AARSD1: variants seen among roughly 807,000 people sequenced by gnomAD.
AARSD1 encodes alanyl-tRNA editing protein Aarsd1.
In AARSD1, 44 loss-of-function variants were observed where a neutral mutation model predicts 48.7. That is an observed-to-expected ratio of 0.90 (90% CI 0.71 to 1.16). The LOEUF (loss-of-function observed/expected upper bound fraction) is 1.16, where lower values mean the gene tolerates loss of function less well. Among genes scored for constraint, AARSD1 ranks in the 50% most tolerant of loss-of-function variants. The pLI is 0.00. For missense variants in AARSD1, 511 were observed against 523.1 expected (o/e 0.98, Z 0.23); for synonymous variants, 189 against 194.9 (o/e 0.97, Z 0.25).
chr17:42,956,857 C>T (rs35847464), intron 4 of AARSD1, among the ~76,000 whole-genome samples: 13,639 of 146,684 alleles, frequency 0.093, 771 homozygotes, highest in African/African-American at 0.14. Context: ...TTAGTAGAGA[C>T]GGGGTTTCAC....
rs772855206 is a variant in AARSD1 at position 42,955,191 on chromosome 17, T to C, written c.828A>G (p.Lys276=). Residue 276 remains lysine, a synonymous_variant, in exon 8 of 12, where the codon AAA becomes AAG. Coordinates refer to ENST00000427569, the MANE Select transcript of AARSD1 (RefSeq NM_001261434.2). ...CGAEDHVEAV[K]KLQNSTKILQ... ...GGATCTTGGTGGAGTTCTGGAGCTTTTTCACTGCTTCCACATGATCCTCTG... is the reference window on the plus strand; with the variant it reads ...GGATCTTGGTGGAGTTCTGGAGCTTCTTCACTGCTTCCACATGATCCTCTG... 2.5e-6 allele frequency: 4 copies of C among 1,614,006 alleles called. No homozygotes were observed.
At chr17:42,959,102 C>A (rs1430144460) in intron 3 of AARSD1, among the ~76,000 whole-genome samples, 1 of 133,918 alleles carries the variant, frequency 7.5e-6, no homozygotes, top group African/African-American at 2.8e-5. Flanking sequence ...GAGGCTGAGG[C>A]AGGAGAATCA....
At chr17:42,955,001 G>C (rs775715869) in intron 8 of AARSD1, 34 bp from the exon 9 acceptor site, 1 of 1,613,690 alleles carries the variant, frequency 6.2e-7, no homozygotes, top group African/African-American at 1.3e-5. Flanking sequence ...TAGATAAATG[G>C]AAAGGATAAC....
Position 42,964,249 on chromosome 17 carries a change from G to A in AARSD1, c.40-12C>T. 1.2e-6 allele frequency: 2 copies of A among 1,600,706 alleles called. No homozygotes were observed. The highest frequency in any genetic ancestry group is 8.5e-7 in the Non-Finnish European group (1 of 1,176,988). On this transcript the variant is annotated splice_polypyrimidine_tract_variant and intron_variant, in intron 1 of 11. Transcript: ENST00000427569. ...ACGGTGGTGGTGAACTGAACAGAGA[G>A]GAATGAGAGAATAAGCCCCGACCCC...
At position 42,956,256 on chromosome 17, in the gene AARSD1, A is replaced by G. The variant is rs750402783; in HGVS notation, c.611T>C (p.Val204Ala). ...GPIRVVNIEG[V>A]DSNMCCGTHV... Reference sequence around the variant, plus strand: ...GGTCCCACAGCACATGTTGGAATCAACGCCCTCGATGTTAACAACCCGAAT... The same window carrying G: ...GGTCCCACAGCACATGTTGGAATCAGCGCCCTCGATGTTAACAACCCGAAT... Residue 204 changes from valine (V) to alanine (A), a missense_variant, in exon 6 of 12, where the codon GTT becomes GCT. By Grantham distance (64) the Val-to-Ala change is moderately conservative (BLOSUM62 0). Transcript: ENST00000427569. The G allele has an allele frequency of 1.7e-5, 27 of 1,613,978 alleles. No homozygotes were observed. Among genetic ancestry groups the G allele is most frequent in the Non-Finnish European group, 2.0e-5 (24 of 1,180,034 alleles).
chr17:42,955,433 GA>G (rs2049534791), intron 7 of AARSD1: 1 of 404,272 alleles, frequency 2.5e-6, no homozygotes, highest in African/African-American at 2.1e-5. Context: ...CAAAGCACTT[GA>G]TCTTTTTTTT....
At position 42,951,979 on chromosome 17, in the gene AARSD1, G is replaced by A; in HGVS notation, c.1009-85C>T. On this transcript the variant is annotated intron_variant, in intron 10 of 11. Coordinates refer to ENST00000427569, the MANE Select transcript of AARSD1 (RefSeq NM_001261434.2). ...AATCCTGCACTCTCTTCAATCTTAA[G>A]AATAGATTATTTCCCCCTAAACCAC... 10 of 1,428,116 alleles carry A rather than the reference G, an allele frequency of 7.0e-6. No homozygotes were observed. The South Asian group carries it at 1.2e-4, about 17-fold the overall frequency. The allele number at this position is 1,428,116 out of a possible 1,614,324, so 88.5% of individuals were successfully genotyped here.
intron 2 of AARSD1, chr17:42,962,433 G>C (rs189131249): frequency 6.4e-6 from 1 of 155,172 alleles, no homozygotes; most frequent in Non-Finnish European, 1.4e-5. Context: ...CTAGAGAACA[G>C]AGGCTGGAAA....
In AARSD1 at chr17:42,951,813, T is replaced by C. The variant is rs1390470972; in HGVS notation, c.1090A>G (p.Thr364Ala). The change falls in exon 11 of 12, where the codon ACC becomes GCC. Residue 364 changes from threonine to alanine, a missense_variant. Coordinates refer to ENST00000427569, the MANE Select transcript of AARSD1 (RefSeq NM_001261434.2). Reference sequence around the variant, plus strand: ...ACAAAGAATTACCTGGGCCCCAGGGTCTCCACAGACGCAGGTGGCCCTGCC... The same window carrying C: ...ACAAAGAATTACCTGGGCCCCAGGGCCTCCACAGACGCAGGTGGCCCTGCC... ...LLAGPPASVE[T>A]LGPRVAEVLE... is the part of the protein sequence containing the mutation. 2.5e-6 allele frequency: 4 copies of C among 1,614,066 alleles called. No homozygotes were observed.
chr17:42,962,957 G>C lies in AARSD1; in HGVS notation c.171+1149C>G, dbSNP rs537021309. ...GAGGATTGCTTGAGCCTGGGAGTTC[G>C]AGGCTGCAGTGAGCTAGATCAGGCC... On this transcript the variant is annotated intron_variant, in intron 2 of 11. Coordinates refer to ENST00000427569, the MANE Select transcript of AARSD1 (RefSeq NM_001261434.2). Among the ~76,000 whole-genome samples the C allele has an allele frequency of 2.0e-5, 3 of 152,216 alleles. No individual in the cohort carries two copies. In the South Asian group the frequency reaches 6.2e-4, roughly 32 times the overall value.
At chr17:42,956,898 A>C (rs1597715046) in intron 4 of AARSD1, among the ~76,000 whole-genome samples, 1 of 143,552 alleles carries the variant, frequency 7.0e-6, no homozygotes, top group Admixed American at 7.0e-5. Flanking sequence ...CGATCTCCTG[A>C]CCTCGTGATC....
chr17:42,963,104 C>T (rs1221003080), intron 2 of AARSD1, among the ~76,000 whole-genome samples: 2 of 150,844 alleles, frequency 1.3e-5, no homozygotes, highest in South Asian at 2.1e-4. Flanking sequence ...TCTTTTGAGA[C>T]GGAGTCTTGT....
intron 3 of AARSD1, among the ~76,000 whole-genome samples, chr17:42,959,400 G>T (rs952083112): frequency 2.0e-4 from 30 of 151,596 alleles, no homozygotes; most frequent in African/African-American, 7.0e-4. Context: ...GTTTTTAGTA[G>T]AGACAGGGTT....
intron 4 of AARSD1, 91 bp from the exon 5 acceptor site, chr17:42,956,651 C>G: frequency 1.2e-6 from 1 of 818,958 alleles, no homozygotes; most frequent in Non-Finnish European, 1.8e-6. Context: ...CAAGCATACC[C>G]TCTCACCACT....
chr17:42,957,517 TG>T (rs2049575912), intron 3 of AARSD1: 1 of 166,336 alleles, frequency 6.0e-6, no homozygotes, highest in Non-Finnish European at 1.2e-5. Flanking sequence ...AGTCTCATTC[TG>T]TTGCCCAGGC....
At chr17:42,961,085 T>C in intron 3 of AARSD1, 107 bp downstream of exon 3, 1 of 1,466,386 alleles carries the variant, frequency 6.8e-7, no homozygotes, top group Non-Finnish European at 9.0e-7. Flanking sequence ...ATAGTCTGTC[T>C]TTTCCAAAAG....
chr17:42,956,174 T>C, intron 6 of AARSD1, 30 bp downstream of exon 6: 2 of 1,613,670 alleles, frequency 1.2e-6, no homozygotes, highest in Non-Finnish European at 1.7e-6. Context: ...ATCCCTCTTC[T>C]CAGCCACTCC....
rs140741554 is a variant in AARSD1 at position 42,955,207 on chromosome 17, T to C, written c.812A>G (p.His271Arg). ...CTGGAGCTTTTTCACTGCTTCCACA[T>C]GATCCTCTGCTCCACACCTGAAAGA... is the stretch of plus-strand genomic sequence containing the variant. ...TALLKCGAED[H>R]VEAVKKLQNS... The change falls in exon 8 of 12, where the codon CAT becomes CGT. Residue 271 changes from histidine (H) to arginine (R), a missense_variant. Physicochemically the swap from His to Arg is conservative, Grantham distance 29. Transcript: ENST00000427569. The C allele has an allele frequency of 1.9e-6, 3 of 1,613,978 alleles. No individual in the cohort carries two copies. The highest frequency in any genetic ancestry group is 2.5e-6 in the Non-Finnish European group (3 of 1,180,012).
In AARSD1 at chr17:42,951,782, G is replaced by A; in HGVS notation, c.1103+18C>T. 6.2e-7 allele frequency: 1 copy of A among 1,613,366 alleles called. No homozygotes were observed. The highest frequency in any genetic ancestry group is 8.5e-7 in the Non-Finnish European group (1 of 1,179,362). ...TACAGGCTCTACTACATGTGCAAGA[G>A]AGTCCACAAAGAATTACCTGGGCCC... On this transcript the variant is annotated intron_variant, in intron 11 of 11. Coordinates refer to ENST00000427569, the MANE Select transcript of AARSD1 (RefSeq NM_001261434.2).
Sources: allele counts gnomAD v4.1 joint callset (sites outside exome capture counted in the v4.1 genomes callset), GRCh38; gene constraint gnomAD v4.1.1; transcripts MANE v1.5; gene names NCBI Gene and HGNC (gene_info 2026-07-23, HGNC 2026-07-21).